The following UNC13B variants were observed in gnomAD, a reference collection of about 807,000 sequenced individuals.
UNC13B encodes the protein unc-13 homolog B.
Under a neutral mutation model 211.0 loss-of-function variants are expected in UNC13B, and 144 were observed. The ratio of observed to expected loss-of-function variants is 0.68; its 90% CI spans 0.60 to 0.78. UNC13B has a LOEUF of 0.78. Ranked by LOEUF, UNC13B falls within the 30% of genes least tolerant of loss-of-function variation. The pLI, the probability that UNC13B is intolerant of heterozygous loss-of-function variation, is 0.00. For missense variants in UNC13B, 1,777 were observed against 2,002.0 expected, an observed-to-expected ratio of 0.89 and a Z score of 2.14; for synonymous variants, 709 against 725.8, an observed-to-expected ratio of 0.98 and a Z score of 0.37.
intron 22 of UNC13B, chr9:35,385,313 T>A (rs1835117890): frequency 2.0e-6 from 2 of 985,466 alleles, no homozygotes; most frequent in Non-Finnish European, 2.4e-6. Flanking sequence ...CTCAGTTTGG[T>A]CTGTAGTGTG....
intron 3 of UNC13B, among the ~76,000 whole-genome samples, chr9:35,232,177 CTTTTT>C (rs547048403): frequency 3.5e-4 from 11 of 31,548 alleles, no homozygotes; most frequent in African/African-American, 5.9e-4. Context: ...TATATTGCTG[CTTTTT>C]TTTTTTTTTT....
At chr9:35,375,353 T>C (rs1834331981) in intron 14 of UNC13B, 152 bp downstream of exon 14, 3 of 833,014 alleles carry the variant, frequency 3.6e-6, no homozygotes, top group Non-Finnish European at 3.9e-6. Flanking sequence ...GGTGTTAGTT[T>C]TCCACACTGG....
chr9:35,349,401 G>T (rs945107107), intron 11 of UNC13B, among the ~76,000 whole-genome samples: 2 of 151,938 alleles, frequency 1.3e-5, no homozygotes, highest in East Asian at 3.9e-4. Flanking sequence ...TTGTCCTTGT[G>T]GGAAGAGAGA....
rs1349009691 is a variant in UNC13B, at chr9:35,350,858, T to C, written c.9415-16089T>C. The stretch of plus-strand genomic sequence containing the variant: ...TGGAGTCTTCACCAGAACAACAAAC[T>C]GGAAAAGAAAGAAAGAAAGAAACAT... On this transcript the variant is annotated intron_variant, in intron 11 of 39. Coordinates refer to ENST00000635942, the MANE Select transcript of UNC13B (RefSeq NM_001371189.2). 2.6e-5 allele frequency among the ~76,000 whole-genome samples: 4 copies of C among 152,278 alleles called. No individual in the cohort carries two copies. The East Asian group carries it at 7.7e-4, about 29-fold the overall frequency.
chr9:35,274,731 C>T (rs1381894861), intron 7 of UNC13B, among the ~76,000 whole-genome samples: 1 of 152,094 alleles, frequency 6.6e-6, no homozygotes, highest in Non-Finnish European at 1.5e-5. Context: ...TAAATGTATC[C>T]ACTTCTTGAA....
At chr9:35,364,408 T>G (rs374254695) in intron 11 of UNC13B, 2 of 821,620 alleles carry the variant, frequency 2.4e-6, no homozygotes, top group East Asian at 5.6e-5. Flanking sequence ...CTCTATGAAC[T>G]GCCTAGTTGT....
intron 3 of UNC13B, among the ~76,000 whole-genome samples, chr9:35,234,180 A>C (rs1187037515): frequency 6.6e-6 from 1 of 152,158 alleles, no homozygotes; most frequent in Non-Finnish European, 1.5e-5. Flanking sequence ...CAGTGGCAGC[A>C]TCTTGGCTCA....
chr9:35,344,351 A>T (rs117270638), intron 11 of UNC13B, among the ~76,000 whole-genome samples: 27 of 152,336 alleles, frequency 1.8e-4, no homozygotes, highest in Admixed American at 4.6e-4. Context: ...TTTACAATGA[A>T]AGAGGACTGT....
chr9:35,398,790 G>A, intron 32 of UNC13B, 92 bp from the exon 33 acceptor site: 1 of 1,571,664 alleles, frequency 6.4e-7, no homozygotes, highest in South Asian at 1.2e-5. Flanking sequence ...AATGCACCAT[G>A]AGCATATGGG....
rs1246064520 is a variant in UNC13B at position 35,352,045 on chromosome 9, C to T, written c.9415-14902C>T. Reference sequence around the variant, plus strand: ...AGCACTTGAGCCAAGTCCAGGGTTCCGTGGATGAAGTCTCTAGCTGTGTAG... The same window carrying T: ...AGCACTTGAGCCAAGTCCAGGGTTCTGTGGATGAAGTCTCTAGCTGTGTAG... On this transcript the variant is annotated intron_variant, in intron 11 of 39. Coordinates refer to ENST00000635942, the MANE Select transcript of UNC13B (RefSeq NM_001371189.2). 1.6e-5 allele frequency: 20 copies of T among 1,232,002 alleles called. No homozygotes were observed. The Admixed American group carries it at 2.1e-4, about 13-fold the overall frequency. 76.3% of individuals were successfully genotyped at this position (1,232,002 alleles called of 1,614,324 possible).
intron 7 of UNC13B, among the ~76,000 whole-genome samples, chr9:35,289,183 A>G (rs1828958081): frequency 6.6e-6 from 1 of 152,226 alleles, no homozygotes; most frequent in African/African-American, 2.4e-5. Flanking sequence ...ACTAAATTAA[A>G]GTCTGTGATT....
At chr9:35,398,083 A>T in intron 30 of UNC13B, 128 bp from the exon 31 acceptor site, 4 of 746,182 alleles carry the variant, frequency 5.4e-6, no homozygotes, top group Non-Finnish European at 6.4e-6. Flanking sequence ...CCCAGCTCTT[A>T]GTGCTGAGGG....
chr9:35,331,820 A>G (rs562307246), intron 11 of UNC13B, among the ~76,000 whole-genome samples: 2 of 151,726 alleles, frequency 1.3e-5, no homozygotes, highest in South Asian at 4.2e-4. Context: ...TTCCTTCCTT[A>G]GCTCCTGCCT....
intron 24 of UNC13B, 42 bp downstream of exon 24, chr9:35,386,335 C>T: frequency 6.2e-7 from 1 of 1,611,134 alleles, no homozygotes; most frequent in Non-Finnish European, 8.5e-7. Flanking sequence ...GTCAGTGGCT[C>T]TTTGGAGCCT....
At chr9:35,340,076 C>G (rs187258571) in intron 11 of UNC13B, among the ~76,000 whole-genome samples, 1 of 152,176 alleles carries the variant, frequency 6.6e-6, no homozygotes, top group African/African-American at 2.4e-5. Context: ...AACCTTTTAC[C>G]TCCTTCTCCT....
At chr9:35,234,612 C>G (rs1362389704) in intron 3 of UNC13B, among the ~76,000 whole-genome samples, 1 of 152,166 alleles carries the variant, frequency 6.6e-6, no homozygotes, top group Non-Finnish European at 1.5e-5. Context: ...CTGAACAGCT[C>G]TCCAGATAGC....
intron 7 of UNC13B, among the ~76,000 whole-genome samples, chr9:35,273,391 G>A (rs777507200): frequency 5.3e-5 from 8 of 152,098 alleles, no homozygotes; most frequent in African/African-American, 1.2e-4. Context: ...TGTCCATTGC[G>A]TTGATATTTG....
At chr9:35,396,732 T>G in intron 27 of UNC13B, 109 bp from the exon 28 acceptor site, 1 of 1,596,676 alleles carries the variant, frequency 6.3e-7, no homozygotes, top group South Asian at 1.1e-5. Context: ...CAAAGAAAAG[T>G]GTTAAACTGT....
At chr9:35,198,413 G>A (rs1056977226) in intron 1 of UNC13B, among the ~76,000 whole-genome samples, 1 of 152,140 alleles carries the variant, frequency 6.6e-6, no homozygotes, top group Non-Finnish European at 1.5e-5. Context: ...TGAAGCAGAT[G>A]CTGTGATGCT....
Sources: allele counts gnomAD v4.1 joint callset (sites outside exome capture counted in the v4.1 genomes callset), GRCh38; gene constraint gnomAD v4.1.1; transcripts MANE v1.5; gene names NCBI Gene and HGNC (gene_info 2026-07-23, HGNC 2026-07-21).